MTRF1: variants seen among roughly 807,000 people sequenced by gnomAD.
MTRF1 encodes peptide chain release factor 1, mitochondrial.
Under a neutral mutation model 62.9 loss-of-function variants are expected in MTRF1, and 51 were observed. That is an observed-to-expected ratio of 0.81 (90% CI 0.65 to 1.02). MTRF1 has a LOEUF of 1.02. MTRF1 is among the 50% of genes least tolerant of loss of function. The probability of loss-of-function intolerance (pLI) is 0.00; values close to 1 mark genes in which losing one functional copy is unlikely to be tolerated. For missense variants in MTRF1, 446 were observed against 530.0 expected (o/e 0.84, Z 1.56); for synonymous variants, 158 against 181.9 (o/e 0.87, Z 1.06).
At chr13:41,311,463 C>T in the MTRF1 span, 1 of 1,502,132 alleles carries the variant, frequency 6.7e-7, no homozygotes. Context: ...GGTGCCCACC[C>T]CCGCGAAGCG....
the MTRF1 span, chr13:41,311,576 C>T: frequency 6.2e-7 from 1 of 1,608,028 alleles, no homozygotes; most frequent in Non-Finnish European, 8.5e-7. Context: ...TCTTCAAACG[C>T]ATCTTGGTGA....
chr13:41,299,388 C>T, the MTRF1 span, among the ~76,000 whole-genome samples: 1,101 of 152,186 alleles, frequency 7.2e-3, 5 homozygotes, highest in Middle Eastern at 0.014. Context: ...CTTTTAGAGC[C>T]GGCTTTTACT....
intron 2 of MTRF1, among the ~76,000 whole-genome samples, chr13:41,259,716 A>AAC (rs1413808726): frequency 1.8e-4 from 26 of 145,586 alleles, no homozygotes; most frequent in East Asian, 3.9e-4. Context: ...AAAAAAAAAA[A>AAC]AAAAACATAA....
chr13:41,294,386 C>T, the MTRF1 span, among the ~76,000 whole-genome samples: 1 of 149,224 alleles, frequency 6.7e-6, no homozygotes, highest in African/African-American at 2.5e-5. Context: ...CCACTGCCCT[C>T]CAGCCTGGCA....
In MTRF1 at chr13:41,260,715, C is replaced by T; in HGVS notation, c.193G>A (p.Asp65Asn). The T allele has an allele frequency of 6.2e-7, 1 of 1,614,148 alleles. No individual in the cohort carries two copies. The highest frequency in any genetic ancestry group is 1.3e-5 in the African/African-American group (1 of 75,056). Residue 65 changes from aspartate (D) to asparagine (N), a missense_variant, in exon 2 of 10, where the codon GAC becomes AAC. Asp to Asn is a conservative substitution (Grantham distance 23). Transcript: ENST00000379480. ...KNWSRRYCHQ[D>N]TKMLWKHKAL... ...TTATGCTTCCAGAGCATCTTGGTGTCTTGATGGCAATATCTCCTGGACCAA... is the reference window on the plus strand; with the variant it reads ...TTATGCTTCCAGAGCATCTTGGTGTTTTGATGGCAATATCTCCTGGACCAA...
chr13:41,254,410 T>A (rs2039459815), intron 3 of MTRF1, 119 bp downstream of exon 3: 1 of 544,130 alleles, frequency 1.8e-6, no homozygotes, highest in South Asian at 4.0e-5. Flanking sequence ...TGATCACTTA[T>A]CATAAGAGAA....
intron 5 of MTRF1, among the ~76,000 whole-genome samples, chr13:41,242,076 A>C (rs2037576434): frequency 6.6e-6 from 1 of 152,256 alleles, no homozygotes; most frequent in Admixed American, 6.5e-5. Context: ...TAGGAAAAGC[A>C]AGATAAATGT....
At chr13:41,231,125 A>G (rs1403324692) in intron 7 of MTRF1, among the ~76,000 whole-genome samples, 1 of 152,226 alleles carries the variant, frequency 6.6e-6, no homozygotes, top group East Asian at 1.9e-4. Context: ...ATCCCCAAAC[A>G]TGATCTATTA....
At chr13:41,305,171 C>T in the MTRF1 span, among the ~76,000 whole-genome samples, 1 of 152,170 alleles carries the variant, frequency 6.6e-6, no homozygotes, top group African/African-American at 2.4e-5. Context: ...ATTATCCCAC[C>T]TCAGCCTCTT....
chr13:41,301,401 TTCAGAGG>T, the MTRF1 span, among the ~76,000 whole-genome samples: 1 of 152,138 alleles, frequency 6.6e-6, no homozygotes, highest in Non-Finnish European at 1.5e-5. Flanking sequence ...TGTACCTGTT[TTCAGAGG>T]GGAGAGATGT....
intron 5 of MTRF1, among the ~76,000 whole-genome samples, chr13:41,250,976 T>C (rs2038989977): frequency 6.6e-6 from 1 of 152,204 alleles, no homozygotes; most frequent in African/African-American, 2.4e-5. Flanking sequence ...TGGGATATAG[T>C]GCAGCTCTGG....
At chr13:41,305,918 CTATT>C in the MTRF1 span, among the ~76,000 whole-genome samples, 1 of 152,162 alleles carries the variant, frequency 6.6e-6, no homozygotes, top group Non-Finnish European at 1.5e-5. Context: ...ATTACCTTAT[CTATT>C]TGTTTATGTG....
At chr13:41,220,499 G>A in intron 9 of MTRF1, 1 of 957,862 alleles carries the variant, frequency 1.0e-6, no homozygotes, top group Non-Finnish European at 1.5e-6. Context: ...ATGGTAGTCT[G>A]TGCTTATTAG....
At chr13:41,237,062 T>C (rs1469326879) in intron 6 of MTRF1, among the ~76,000 whole-genome samples, 2 of 151,366 alleles carry the variant, frequency 1.3e-5, no homozygotes, top group Non-Finnish European at 2.9e-5. Flanking sequence ...CTACAAAAAA[T>C]ATAAAAATTA....
intron 5 of MTRF1, among the ~76,000 whole-genome samples, chr13:41,243,647 G>A (rs1425791891): frequency 6.6e-6 from 1 of 152,084 alleles, no homozygotes; most frequent in Admixed American, 6.5e-5. Flanking sequence ...CTTGCAAGTA[G>A]GGTAAAATCT....
upstream of MTRF1, among the ~76,000 whole-genome samples, chr13:41,265,477 CAT>C (rs1448652003): frequency 2.6e-5 from 4 of 151,774 alleles, no homozygotes; most frequent in Non-Finnish European, 4.4e-5. Context: ...TATTCATAAT[CAT>C]GTGCATATTA....
At chr13:41,279,677 GA>G in the MTRF1 span, among the ~76,000 whole-genome samples, 2 of 151,924 alleles carry the variant, frequency 1.3e-5, no homozygotes, top group Non-Finnish European at 2.9e-5. Context: ...ATGAGACACG[GA>G]AAAAAATATT....
At chr13:41,241,621 C>A (rs2037512275) in intron 5 of MTRF1, among the ~76,000 whole-genome samples, 1 of 152,154 alleles carries the variant, frequency 6.6e-6, no homozygotes, top group African/African-American at 2.4e-5. Flanking sequence ...TTAGTCCTGC[C>A]CATTTAAAAA....
Position 41,217,042 on chromosome 13 carries a change from T to G in MTRF1, c.*73A>C. ...GTAATTTACAAATATTCATAATGAT[T>G]TCCAAGCTTCAGTCTGCCTCTTGAT... On this transcript the variant is annotated 3_prime_UTR_variant, in exon 10 of 10. Coordinates refer to ENST00000379480, the MANE Select transcript of MTRF1 (RefSeq NM_004294.4). 1 of 770,376 alleles carries G rather than the reference T, an allele frequency of 1.3e-6. No homozygotes were observed. Among genetic ancestry groups the G allele is most frequent in the Non-Finnish European group, 2.1e-6 (1 of 480,456 alleles). 47.7% of individuals were successfully genotyped at this position (770,376 alleles called of 1,614,324 possible). A position where few individuals can be genotyped will look rare whatever the true frequency, so the allele number is the denominator to read the frequency against.
Sources: gnomAD v4.1 joint callset for allele counts (sites outside exome capture counted in the v4.1 genomes callset) on GRCh38, gnomAD v4.1.1 for gene constraint, MANE v1.5 for transcripts, NCBI Gene and HGNC (gene_info 2026-07-23, HGNC 2026-07-21) for gene names.